The following ZNF500 variants were observed in gnomAD, a reference collection of about 807,000 sequenced individuals.
The protein encoded by ZNF500 is zinc finger protein 500.
A neutral mutation model predicts 30.1 loss-of-function variants in ZNF500; 31 were observed. That is an observed-to-expected ratio of 1.03 (90% CI 0.77 to 1.39). ZNF500 has a LOEUF of 1.39. Ranked by LOEUF, ZNF500 falls within the 40% of genes most tolerant of loss-of-function variation. The pLI is 0.00. For missense variants in ZNF500, 817 were observed against 657.8 expected (o/e 1.24, Z -2.65); for synonymous variants, 392 against 282.0 (o/e 1.39, Z -3.91).
downstream of ZNF500, chr16:4,746,260 G>T (rs865930540): frequency 4.4e-6 from 5 of 1,132,734 alleles, no homozygotes; most frequent in Middle Eastern, 4.1e-4. Flanking sequence ...CCCGTCTGTA[G>T]AGAGTGGGCA....
rs541641315 is a variant in ZNF500, at chr16:4,753,941, G to A, written c.761-883C>T. ...GTGTGGCCCCTGAGGCCCCTCTGCA[G>A]ATCCAGGTTCTAGAGCCACCACCAA... On this transcript the variant is annotated intron_variant, in intron 5 of 5. Transcript: ENST00000219478. 1.8e-4 allele frequency among the ~76,000 whole-genome samples: 27 copies of A among 152,370 alleles called. 1 individual carries two copies. The highest frequency in any genetic ancestry group is 6.8e-3 in the Middle Eastern group (2 of 294).
chr16:4,745,121 GT>G (rs1165103104), downstream of ZNF500: 2 of 1,379,130 alleles, frequency 1.5e-6, no homozygotes, highest in Non-Finnish European at 2.0e-6. Context: ...CATTTTCTCA[GT>G]CACTCTCAAG....
downstream of ZNF500, chr16:4,746,801 G>C (rs2082022971): frequency 1.1e-6 from 1 of 908,180 alleles, no homozygotes; most frequent in Non-Finnish European, 1.6e-6. Flanking sequence ...ACGTCCACCG[G>C]CCTCCAGTGT....
At chr16:4,760,830 A>C (rs2082190504) in intron 4 of ZNF500, among the ~76,000 whole-genome samples, 1 of 152,028 alleles carries the variant, frequency 6.6e-6, no homozygotes, top group African/African-American at 2.4e-5. Context: ...CGCCACGAGG[A>C]GTGGTGGACC....
intron 5 of ZNF500, chr16:4,756,656 T>C (rs1012961952): frequency 6.6e-6 from 1 of 152,054 alleles, no homozygotes; most frequent in African/African-American, 2.4e-5. Context: ...GCTGGGACTA[T>C]AGGTGCATGC....
chr16:4,747,793 CA>C (rs59575807), downstream of ZNF500, among the ~76,000 whole-genome samples: 85,128 of 151,866 alleles, frequency 0.56, 24,639 homozygotes, highest in East Asian at 0.67. Context: ...AGCTCAGTCA[CA>C]GGTGCATGAA....
At chr16:4,746,849 C>A, downstream of ZNF500, 1 of 1,327,460 alleles carries the variant, frequency 7.5e-7, no homozygotes, top group Non-Finnish European at 1.0e-6. Context: ...CAGCAAAGCC[C>A]GAGTGCTTCA....
In ZNF500 at chr16:4,765,955, C is replaced by T. The variant is rs777720616; in HGVS notation, c.24G>A (p.Gln8=). 1 of 1,583,606 alleles carries T rather than the reference C, an allele frequency of 6.3e-7. No individual in the cohort carries two copies. Among genetic ancestry groups the T allele is most frequent in the Non-Finnish European group, 8.6e-7 (1 of 1,166,772 alleles). Residue 8 remains glutamine (Q), a synonymous_variant, in exon 2 of 6, where the codon CAG becomes CAA. Coordinates refer to ENST00000219478, the MANE Select transcript of ZNF500 (RefSeq NM_021646.4). ...GGTCCTGCTCCAAGGTTGGCAGGGGCTGGAGGCCAGGGACAGTGGCCATTG... is the reference window on the plus strand; with the variant it reads ...GGTCCTGCTCCAAGGTTGGCAGGGGTTGGAGGCCAGGGACAGTGGCCATTG... MATVPGL[Q]PLPTLEQDLE...
intron 5 of ZNF500, among the ~76,000 whole-genome samples, chr16:4,756,841 G>C (rs1038944392): frequency 6.6e-6 from 1 of 152,028 alleles, no homozygotes; most frequent in Non-Finnish European, 1.5e-5. Context: ...AATTAGCTGG[G>C]CATGGTGGCA....
chr16:4,763,571 G>A (rs2082231216), intron 2 of ZNF500: 1 of 985,210 alleles, frequency 1.0e-6, no homozygotes, highest in Admixed American at 6.2e-5. Flanking sequence ...CCAGCGTCAG[G>A]GACCCATCTC....
Position 4,763,658 on chromosome 16 carries a change from C to T in ZNF500, c.415-902G>A, listed in dbSNP as rs1025047490. The T allele has an allele frequency of 6.1e-6, 6 of 985,322 alleles. No individual in the cohort carries two copies. The African/African-American group carries it at 8.7e-5, about 14-fold the overall frequency. 61.0% of individuals were successfully genotyped at this position (985,322 alleles called of 1,614,324 possible). A position where few individuals can be genotyped will look rare whatever the true frequency, so the allele number is the denominator to read the frequency against. On this transcript the variant is annotated intron_variant, in intron 2 of 5. Transcript: ENST00000219478. ...GGGGAGCACAGCCTGCCCCTCTCAGCTCAGTGATGGCCATGAGGCATGTGT... is the reference window on the plus strand; with the variant it reads ...GGGGAGCACAGCCTGCCCCTCTCAGTTCAGTGATGGCCATGAGGCATGTGT...
At chr16:4,765,076 G>A (rs989365694) in intron 2 of ZNF500, among the ~76,000 whole-genome samples, 5 of 152,094 alleles carry the variant, frequency 3.3e-5, no homozygotes, top group Non-Finnish European at 7.4e-5. Flanking sequence ...CAAGATGGGA[G>A]GATCACTTGA....
intron 5 of ZNF500, among the ~76,000 whole-genome samples, chr16:4,757,328 T>G (rs996052489): frequency 1.3e-5 from 2 of 152,170 alleles, no homozygotes; most frequent in Non-Finnish European, 2.9e-5. Context: ...AATTTGTTTT[T>G]TTGAGACAGA....
chr16:4,748,338 C>T lies in ZNF500; in HGVS notation c.*4038G>A, dbSNP rs910716270. 1 of 151,478 alleles carries T rather than the reference C, an allele frequency of 6.6e-6. No homozygotes were observed. The highest frequency in any genetic ancestry group is 2.4e-5 in the African/African-American group (1 of 41,194). The allele number at this position is 151,478 out of a possible 1,614,324, so 9.4% of individuals were successfully genotyped here. ...AGTGCTGGGATTATAGCACTGTGAG[C>T]TGCCAGCCTGGCTTTTAATGAACTT... On this transcript the variant is annotated 3_prime_UTR_variant, in exon 6 of 6. Transcript: ENST00000219478.
Position 4,752,980 on chromosome 16 carries a change from G to A in ZNF500, c.839C>T (p.Ser280Leu), listed in dbSNP as rs779005729. The A allele has an allele frequency of 1.2e-5, 20 of 1,603,566 alleles. No homozygotes were observed. Among genetic ancestry groups the A allele is most frequent in the East Asian group, 2.2e-5 (1 of 44,738 alleles). ...PLRMEWYRVLSARCQGPGHPL... is the reference protein window; with the variant it reads ...PLRMEWYRVLLARCQGPGHPL... The stretch of plus-strand genomic sequence containing the variant: ...GTGGCCAGGCCCCTGGCATCGTGCC[G>A]AGAGCACTCGGTACCACTCCATTCT... The change falls in exon 6 of 6, where the codon TCG (serine) becomes TTG (leucine). Residue 280 changes from serine to leucine, a missense_variant. Physicochemically the swap from Ser to Leu is moderately radical, Grantham distance 145 (BLOSUM62 -2). Transcript: ENST00000219478.
Position 4,752,994 on chromosome 16 carries a change from C to A in ZNF500, c.825G>T (p.Trp275Cys). The change falls in exon 6 of 6, where the codon TGG (tryptophan) becomes TGT (cysteine). Residue 275 changes from tryptophan to cysteine, a missense_variant. Physicochemically the swap from Trp to Cys is radical, Grantham distance 215. Transcript: ENST00000219478. ...GREDAPLRME[W>C]YRVLSARCQG... The stretch of plus-strand genomic sequence containing the variant: ...GGCATCGTGCCGAGAGCACTCGGTA[C>A]CACTCCATTCTCAACGGGGCATCCT... 3.2e-6 allele frequency: 5 copies of A among 1,584,602 alleles called. No individual in the cohort carries two copies. Among genetic ancestry groups the A allele is most frequent in the Non-Finnish European group, 1.7e-6 (2 of 1,165,386 alleles).
chr16:4,757,378 T>A (rs972130213), intron 5 of ZNF500, among the ~76,000 whole-genome samples: 1 of 152,024 alleles, frequency 6.6e-6, no homozygotes, highest in Non-Finnish European at 1.5e-5. Flanking sequence ...AGTGGTATGA[T>A]CACAGCTTAC....
At position 4,748,522 on chromosome 16, in the gene ZNF500, C is replaced by T. The variant is rs955165109; in HGVS notation, c.*3854G>A. On this transcript the variant is annotated 3_prime_UTR_variant, in exon 6 of 6. Transcript: ENST00000219478. The stretch of plus-strand genomic sequence containing the variant: ...CCTGTGTAGAATGGAGCAGCGGCCT[C>T]ACTTGTTGATCACCAGCAAAAACTG... 6 of 152,296 alleles carry T rather than the reference C, an allele frequency of 3.9e-5. No individual in the cohort carries two copies. Among genetic ancestry groups the T allele is most frequent in the Non-Finnish European group, 7.3e-5 (5 of 68,126 alleles). The allele number at this position is 152,296 out of a possible 1,614,324, so 9.4% of individuals were successfully genotyped here. A position where few individuals can be genotyped will look rare whatever the true frequency, so the allele number is the denominator to read the frequency against.
Position 4,748,610 on chromosome 16 carries a change from G to A in ZNF500, c.*3766C>T, listed in dbSNP as rs2082048615. On this transcript the variant is annotated 3_prime_UTR_variant, in exon 6 of 6. Coordinates refer to ENST00000219478, the MANE Select transcript of ZNF500 (RefSeq NM_021646.4). ...CCACAGGACAAGCCTGGTCTTCCTG[G>A]GTCCTGTTCCTTTGCCAGCACCGTC... 1 of 152,226 alleles carries A rather than the reference G, an allele frequency of 6.6e-6. No homozygotes were observed. The highest frequency in any genetic ancestry group is 1.5e-5 in the Non-Finnish European group (1 of 68,088). The allele number at this position is 152,226 out of a possible 1,614,324, so 9.4% of individuals were successfully genotyped here. A position where few individuals can be genotyped will look rare whatever the true frequency, so the allele number is the denominator to read the frequency against.
Sources: allele counts gnomAD v4.1 joint callset (sites outside exome capture counted in the v4.1 genomes callset), GRCh38; gene constraint gnomAD v4.1.1; transcripts MANE v1.5; gene names NCBI Gene and HGNC (gene_info 2026-07-23, HGNC 2026-07-21).